SLC43A2: variants seen among roughly 807,000 people sequenced by gnomAD.
The protein encoded by SLC43A2 is large neutral amino acids transporter small subunit 4.
SLC43A2 carries 38 observed loss-of-function variants against 63.2 expected under a neutral mutation model. That is an observed-to-expected ratio of 0.60 (90% CI 0.46 to 0.79). The LOEUF (loss-of-function observed/expected upper bound fraction) is 0.79. Among genes scored for constraint, SLC43A2 ranks in the 30% least tolerant of loss-of-function variants. SLC43A2 has a pLI of 0.00. For missense variants in SLC43A2, 644 were observed against 756.2 expected (o/e 0.85, Z 1.74); for synonymous variants, 322 against 331.0 (o/e 0.97, Z 0.30).
Position 1,571,148 on chromosome 17 carries a change from G to GC in SLC43A2, c.*4455dup, listed in dbSNP as rs976303869. On this transcript the variant is annotated 3_prime_UTR_variant, in exon 14 of 14. Transcript: ENST00000301335. This position sits in a 1 kb window ranked among gnomAD's most constrained non-coding sequence, Gnocchi z 5.2. ...GAAGGCCACCCAGGTGGAGTGTGCT[G>GC]CACCTCCTTCAGTGGCCTTCAGGAG... is the stretch of plus-strand genomic sequence containing the variant. 4 of 152,274 alleles carry GC rather than the reference G, an allele frequency of 2.6e-5. No homozygotes were observed. Among genetic ancestry groups the GC allele is most frequent in the African/African-American group, 9.7e-5 (4 of 41,450 alleles). The allele number at this position is 152,274 out of a possible 1,614,324, so 9.4% of individuals were successfully genotyped here.
chr17:1,595,486 C>G (rs1002733845), intron 5 of SLC43A2, among the ~76,000 whole-genome samples: 10 of 152,024 alleles, frequency 6.6e-5, no homozygotes, highest in African/African-American at 2.4e-4. Context: ...CTCTGTCACC[C>G]AGGCTGGAAT....
At chr17:1,626,676 TC>T (rs1247582553) in intron 2 of SLC43A2, among the ~76,000 whole-genome samples, 1 of 152,114 alleles carries the variant, frequency 6.6e-6, no homozygotes, top group Non-Finnish European at 1.5e-5. Flanking sequence ...AGCTTTCTCT[TC>T]CTGCAAAGAG....
chr17:1,599,645 G>A (rs1598465170), intron 5 of SLC43A2, among the ~76,000 whole-genome samples: 1 of 151,744 alleles, frequency 6.6e-6, no homozygotes, highest in East Asian at 1.9e-4. Flanking sequence ...AGGTTGCAGT[G>A]AGCAGAGACT....
chr17:1,589,469 G>C (rs1904542937), intron 9 of SLC43A2, among the ~76,000 whole-genome samples: 1 of 152,118 alleles, frequency 6.6e-6, no homozygotes, highest in Non-Finnish European at 1.5e-5. Flanking sequence ...GCTGGGTGTG[G>C]TGGCGCGCAC....
rs111840437 is a variant in SLC43A2, at chr17:1,578,906, C to T, written c.1351-583G>A. ...CCGTAATCCCAGTGCTTTGGGAGGCCGAGGAGGTGGATCACCTGAGGTCAG... is the reference window on the plus strand; with the variant it reads ...CCGTAATCCCAGTGCTTTGGGAGGCTGAGGAGGTGGATCACCTGAGGTCAG... On this transcript the variant is annotated intron_variant, in intron 11 of 13. Coordinates refer to ENST00000301335, the MANE Select transcript of SLC43A2 (RefSeq NM_152346.3). This position sits in a 1 kb window ranked among gnomAD's most constrained non-coding sequence, Gnocchi z 6.5. Among the ~76,000 whole-genome samples, 665 of 152,008 alleles carry T rather than the reference C, an allele frequency of 4.4e-3. 4 individuals are homozygous for T. The highest frequency in any genetic ancestry group is 0.015 in the African/African-American group (620 of 41,460).
chr17:1,581,222 G>GCACACACACACACACACA (rs1013967085), intron 11 of SLC43A2, among the ~76,000 whole-genome samples: 1 of 115,344 alleles, frequency 8.7e-6, no homozygotes, highest in Non-Finnish European at 1.9e-5. Context: ...ACACACACAC[G>GCACACACACACACACACA]CACGCTGTGC....
At chr17:1,585,833 C>T (rs2076093009) in intron 10 of SLC43A2, 80 bp downstream of exon 10, 2 of 1,608,166 alleles carry the variant, frequency 1.2e-6, no homozygotes, top group Non-Finnish European at 1.7e-6. Context: ...TCCCACCCAC[C>T]CTGTGCCTGA....
chr17:1,590,979 G>T, intron 8 of SLC43A2, 31 bp from the exon 9 acceptor site: 2 of 1,546,016 alleles, frequency 1.3e-6, no homozygotes, highest in East Asian at 4.9e-5. Context: ...GCTCAGGGCC[G>T]GGGCACACTG....
chr17:1,627,662 C>CCCCCAAACCCCCCCACCCCCCCCCA, intron 2 of SLC43A2, 53 bp downstream of exon 2: 1 of 918,012 alleles, frequency 1.1e-6, no homozygotes, highest in East Asian at 3.5e-5. Context: ...ATCCCGCCCC[C>CCCCCAAACCCCCCCACCCCCCCCCA]TCCCAAAGCC....
At position 1,591,691 on chromosome 17, in the gene SLC43A2, A is replaced by G. The variant is rs1194599060; in HGVS notation, c.603T>C (p.Tyr201=). 2 of 1,130,508 alleles carry G rather than the reference A, an allele frequency of 1.8e-6. No homozygotes were observed. Among genetic ancestry groups the G allele is most frequent in the African/African-American group, 1.7e-5 (1 of 57,800 alleles). 70.0% of individuals were successfully genotyped at this position (1,130,508 alleles called of 1,614,324 possible). Residue 201 remains tyrosine (Y), a synonymous_variant, in exon 7 of 14, where the codon TAT becomes TAC. Coordinates refer to ENST00000301335, the MANE Select transcript of SLC43A2 (RefSeq NM_152346.3). ...AVTFPGIKLI[Y]DAGVSFIVVL... ...CGACGATGAAGGAGACACCAGCATC[A>G]TAGATGAGCTGACAGGCACCGCGGG...
chr17:1,607,112 C>CCCCGAATTAA (rs372314455), intron 5 of SLC43A2, among the ~76,000 whole-genome samples: 10 of 111,984 alleles, frequency 8.9e-5, no homozygotes, highest in African/African-American at 3.2e-4. Flanking sequence ...CCCAGGAAGT[C>CCCCGAATTAA]CCCGAATTAA....
intron 9 of SLC43A2, among the ~76,000 whole-genome samples, chr17:1,587,630 T>C (rs1469913124): frequency 3.9e-5 from 6 of 152,266 alleles, no homozygotes; most frequent in African/African-American, 1.2e-4. Flanking sequence ...TTAAGACCCA[T>C]ATGTGAGTGC....
chr17:1,606,103 T>C lies in SLC43A2; in HGVS notation c.501+7092A>G, dbSNP rs1183049583. 2.0e-5 allele frequency among the ~76,000 whole-genome samples: 3 copies of C among 152,092 alleles called. No individual in the cohort carries two copies. Among genetic ancestry groups the C allele is most frequent in the African/African-American group, 4.8e-5 (2 of 41,416 alleles). Reference sequence around the variant, plus strand: ...GGGAGGCACAGCAGGCACTGGGCACTGGCAAGTCCCGCTCACCAGGCACCT... The same window carrying C: ...GGGAGGCACAGCAGGCACTGGGCACCGGCAAGTCCCGCTCACCAGGCACCT... On this transcript the variant is annotated intron_variant, in intron 5 of 13. Coordinates refer to ENST00000301335, the MANE Select transcript of SLC43A2 (RefSeq NM_152346.3). This position sits in a 1 kb window ranked among gnomAD's most constrained non-coding sequence, Gnocchi z 4.7.
rs541174879 is a variant in SLC43A2 at position 1,575,294 on chromosome 17, G to C, written c.*310C>G. The C allele has an allele frequency of 1.1e-5, 5 of 470,396 alleles. No individual in the cohort carries two copies. The East Asian group carries it at 1.7e-4, about 16-fold the overall frequency. 29.1% of individuals were successfully genotyped at this position (470,396 alleles called of 1,614,324 possible). A position where few individuals can be genotyped will look rare whatever the true frequency, so the allele number is the denominator to read the frequency against. On this transcript the variant is annotated 3_prime_UTR_variant, in exon 14 of 14. Transcript: ENST00000301335. ...AGAGGCAGAATCCAGACACTGGCGGGAGAGCGCCTGCCTGCCGGGCGTTCC... is the reference window on the plus strand; with the variant it reads ...AGAGGCAGAATCCAGACACTGGCGGCAGAGCGCCTGCCTGCCGGGCGTTCC...
In SLC43A2 at chr17:1,585,838, G is replaced by GC. The variant is rs757594763; in HGVS notation, c.1217+74dup. The GC allele has an allele frequency of 1.6e-5, 26 of 1,608,698 alleles. No homozygotes were observed. In the East Asian group the frequency reaches 5.3e-4, roughly 33 times the overall value. ...TCTCCCTCTGTCCCACCCACCCTGT[G>GC]CCTGACATGCAGCTCTGGGGTCTTT... On this transcript the variant is annotated intron_variant, in intron 10 of 13. Coordinates refer to ENST00000301335, the MANE Select transcript of SLC43A2 (RefSeq NM_152346.3).
Position 1,583,151 on chromosome 17 carries a change from G to T in SLC43A2, c.1350+53C>A, listed in dbSNP as rs2076046138. The T allele has an allele frequency of 1.6e-5, 25 of 1,581,526 alleles. No homozygotes were observed. Among genetic ancestry groups the T allele is most frequent in the Non-Finnish European group, 2.1e-5 (24 of 1,152,830 alleles). On this transcript the variant is annotated intron_variant, in intron 11 of 13. Coordinates refer to ENST00000301335, the MANE Select transcript of SLC43A2 (RefSeq NM_152346.3). The surrounding 1 kb of genome is among the most constrained non-coding windows in gnomAD (Gnocchi z 5.5). Reference sequence around the variant, plus strand: ...ATTACACACTTTTGAGTCTTTACATGTTCCTTCTGACTGCCCCACCTCCCA... The same window carrying T: ...ATTACACACTTTTGAGTCTTTACATTTTCCTTCTGACTGCCCCACCTCCCA...
intron 5 of SLC43A2, among the ~76,000 whole-genome samples, chr17:1,598,803 C>T (rs920513475): frequency 2.6e-5 from 4 of 152,196 alleles, no homozygotes; most frequent in Non-Finnish European, 5.9e-5. Context: ...GAGGCCGACT[C>T]TCCATCTGTC....
In SLC43A2 at chr17:1,575,765, C is replaced by G. The variant is rs760889583; in HGVS notation, c.1549G>C (p.Val517Leu). Reference protein sequence around the residue: ...MGPLQGDPLWVNVGLLLLSLL... With the variant: ...MGPLQGDPLWLNVGLLLLSLL... ...CTGAGAAGGAGCAGCCCCACGTTCACCTGGGGAGGCAGGGAGGCCGCGCAT... is the reference window on the plus strand; with the variant it reads ...CTGAGAAGGAGCAGCCCCACGTTCAGCTGGGGAGGCAGGGAGGCCGCGCAT... The change falls in exon 14 of 14, where the codon GTG becomes CTG. Residue 517 changes from valine (V) to leucine (L), a missense_variant and splice_region_variant. Physicochemically the swap from Val to Leu is conservative, Grantham distance 32. Coordinates refer to ENST00000301335, the MANE Select transcript of SLC43A2 (RefSeq NM_152346.3). 5.6e-6 allele frequency: 9 copies of G among 1,608,836 alleles called. No individual in the cohort carries two copies. Among genetic ancestry groups the G allele is most frequent in the African/African-American group, 1.3e-5 (1 of 74,964 alleles).
At chr17:1,600,824 T>A (rs939896381) in intron 5 of SLC43A2, among the ~76,000 whole-genome samples, 1 of 151,778 alleles carries the variant, frequency 6.6e-6, no homozygotes, top group Admixed American at 6.6e-5. Flanking sequence ...TCTCAAAGTG[T>A]TGGGATGACA....
Sources: gnomAD v4.1 joint callset for allele counts (sites outside exome capture counted in the v4.1 genomes callset) on GRCh38, gnomAD v4.1.1 for gene constraint, Gnocchi (gnomAD v3.1) non-coding constraint, MANE v1.5 for transcripts, NCBI Gene and HGNC (gene_info 2026-07-23, HGNC 2026-07-21) for gene names.